The following GLP2R variants were observed in gnomAD, a reference collection of about 807,000 sequenced individuals.
GLP2R encodes glucagon like peptide 2 receptor, also known as glucagon-like peptide 2 receptor.
In GLP2R, 59 loss-of-function variants were observed where a neutral mutation model predicts 68.2. That is an observed-to-expected ratio of 0.87 (90% confidence interval 0.70 to 1.07). GLP2R has a LOEUF of 1.07. Among genes scored for constraint, GLP2R ranks in the 50% least tolerant of loss-of-function variants. The probability of loss-of-function intolerance (pLI) is 0.00; values close to 1 mark genes in which losing one functional copy is unlikely to be tolerated. For missense variants in GLP2R, 548 were observed against 677.4 expected (o/e 0.81, Z 2.12); for synonymous variants, 270 against 265.4 (o/e 1.02, Z -0.17).
chr17:9,855,170 T>C (rs1398488640), intron 5 of GLP2R, among the ~76,000 whole-genome samples: 1 of 152,200 alleles, frequency 6.6e-6, no homozygotes, highest in Non-Finnish European at 1.5e-5. Context: ...AATTTGCTCA[T>C]TGGCTACCTC....
rs370805642 is a variant in GLP2R, at chr17:9,828,329, CA to C, written c.189+2079del. On this transcript the variant is annotated intron_variant, in intron 1 of 12. Transcript: ENST00000262441. Reference sequence around the variant, plus strand: ...TGGCCTGCCTCTGGTCCCAGGACTTCAATGTGTTAGTGGTGGGACCATTTGG... The same window carrying C: ...TGGCCTGCCTCTGGTCCCAGGACTTCATGTGTTAGTGGTGGGACCATTTGG... 4.5e-4 allele frequency among the ~76,000 whole-genome samples: 68 copies of C among 152,336 alleles called. No homozygotes were observed. In the East Asian group the frequency reaches 5.6e-3, roughly 13 times the overall value.
intron 4 of GLP2R, among the ~76,000 whole-genome samples, chr17:9,843,037 C>A (rs915083807): frequency 1.3e-5 from 2 of 151,724 alleles, no homozygotes; most frequent in African/African-American, 4.8e-5. Flanking sequence ...CCACCACCCC[C>A]CACTTCGACT....
At chr17:9,888,016 G>C in intron 12 of GLP2R, 43 bp downstream of exon 12, 1 of 1,399,418 alleles carries the variant, frequency 7.1e-7, no homozygotes, top group Non-Finnish European at 1.0e-6. Context: ...GTGAGGTTGG[G>C]ACTGCAACCC....
At position 9,836,368 on chromosome 17, in the gene GLP2R, T is replaced by C; in HGVS notation, c.278-3T>C. On this transcript the variant is annotated splice_polypyrimidine_tract_variant and splice_region_variant and intron_variant, in intron 2 of 12. Transcript: ENST00000262441. ...GTTTATCAGACCCTTCTTCTCTCTG[T>C]AGGCATATTTTGTAACGGGACATTT... 6.3e-7 allele frequency: 1 copy of C among 1,582,246 alleles called. No homozygotes were observed. Among genetic ancestry groups the C allele is most frequent in the Non-Finnish European group, 8.7e-7 (1 of 1,150,938 alleles).
At chr17:9,835,469 G>T (rs1412402212) in intron 2 of GLP2R, among the ~76,000 whole-genome samples, 1 of 152,118 alleles carries the variant, frequency 6.6e-6, no homozygotes, top group Non-Finnish European at 1.5e-5. Context: ...CCCCTGAGAT[G>T]GTCCAAGTAT....
At chr17:9,830,231 G>A (rs1010328759) in intron 1 of GLP2R, among the ~76,000 whole-genome samples, 1 of 152,180 alleles carries the variant, frequency 6.6e-6, no homozygotes, top group Non-Finnish European at 1.5e-5. Context: ...TGGAGGATAG[G>A]GGAACATTAC....
In GLP2R at chr17:9,830,000, T is replaced by C. The variant is rs147710062; in HGVS notation, c.189+3748T>C. Among the ~76,000 whole-genome samples the C allele has an allele frequency of 5.3e-5, 8 of 152,376 alleles. No homozygotes were observed. In the East Asian group the frequency reaches 1.5e-3, roughly 29 times the overall value. On this transcript the variant is annotated intron_variant, in intron 1 of 12. Coordinates refer to ENST00000262441, the MANE Select transcript of GLP2R (RefSeq NM_004246.3). ...AAAGGAATCAAGGTCAAGCTGGACTTTTCCAGTTGGAAAAAAATTCACCCG... is the reference window on the plus strand; with the variant it reads ...AAAGGAATCAAGGTCAAGCTGGACTCTTCCAGTTGGAAAAAAATTCACCCG...
chr17:9,829,303 G>A (rs530061741), intron 1 of GLP2R, among the ~76,000 whole-genome samples: 2 of 151,716 alleles, frequency 1.3e-5, no homozygotes, highest in Non-Finnish European at 2.9e-5. Context: ...AGGGTAAAAT[G>A]GTGCATATTT....
intron 8 of GLP2R, among the ~76,000 whole-genome samples, chr17:9,861,696 AT>A (rs376279106): frequency 0.15 from 23,430 of 152,146 alleles, 2,320 homozygotes; most frequent in Non-Finnish European, 0.23. Context: ...GTGTGATCCC[AT>A]TTTTTTCCTC....
At chr17:9,847,849 A>AAGTGTATCCTAATCTTCC (rs1264644032) in intron 4 of GLP2R, among the ~76,000 whole-genome samples, 19 of 152,202 alleles carry the variant, frequency 1.2e-4, no homozygotes, top group African/African-American at 4.3e-4. Context: ...TGGCTCCCTT[A>AAGTGTATCCTAATCTTCC]AGTGTATCCT....
chr17:9,831,142 C>T (rs542845677), intron 1 of GLP2R, among the ~76,000 whole-genome samples: 6 of 152,330 alleles, frequency 3.9e-5, no homozygotes, highest in African/African-American at 1.2e-4. Flanking sequence ...AGTCCTACCT[C>T]ATTCTTTTGG....
chr17:9,867,339 A>G (rs1257181439), intron 9 of GLP2R, among the ~76,000 whole-genome samples: 1 of 152,236 alleles, frequency 6.6e-6, no homozygotes, highest in African/African-American at 2.4e-5. Context: ...GGTTGATGCG[A>G]GTGTACAACA....
At position 9,859,924 on chromosome 17, in the gene GLP2R, G is replaced by C. The variant is rs902883437; in HGVS notation, c.766-18G>C. 3.8e-6 allele frequency: 6 copies of C among 1,578,366 alleles called. No homozygotes were observed. The highest frequency in any genetic ancestry group is 5.2e-6 in the Non-Finnish European group (6 of 1,159,374). ...CAGGGGAGCCTGGACTCACCCTCAGGTGTTTTTTCCTCTGCAGATGTCCAC... is the reference window on the plus strand; with the variant it reads ...CAGGGGAGCCTGGACTCACCCTCAGCTGTTTTTTCCTCTGCAGATGTCCAC... On this transcript the variant is annotated intron_variant, in intron 6 of 12. Coordinates refer to ENST00000262441, the MANE Select transcript of GLP2R (RefSeq NM_004246.3).
At chr17:9,881,378 C>CTT (rs35526930) in intron 11 of GLP2R, among the ~76,000 whole-genome samples, 67 of 95,644 alleles carry the variant, frequency 7.0e-4, no homozygotes, top group East Asian at 9.9e-4. Flanking sequence ...GCTGTCAGGC[C>CTT]TTTTTTTTTT....
chr17:9,883,135 A>T (rs139083059), intron 11 of GLP2R, among the ~76,000 whole-genome samples: 49 of 152,314 alleles, frequency 3.2e-4, no homozygotes, highest in African/African-American at 1.2e-3. Flanking sequence ...AATTAAAGGA[A>T]TTCAATTATC....
chr17:9,844,472 G>A (rs1368550080), intron 4 of GLP2R, among the ~76,000 whole-genome samples: 1 of 151,764 alleles, frequency 6.6e-6, no homozygotes, highest in Non-Finnish European at 1.5e-5. Flanking sequence ...AAGAGGGAGG[G>A]TGGACTCATA....
At chr17:9,877,068 G>A (rs2067147655) in intron 10 of GLP2R, among the ~76,000 whole-genome samples, 1 of 152,128 alleles carries the variant, frequency 6.6e-6, no homozygotes, top group Admixed American at 6.6e-5. Flanking sequence ...CTAATAATTG[G>A]CAACACTGAG....
At chr17:9,876,494 G>A (rs2067143489) in intron 10 of GLP2R, among the ~76,000 whole-genome samples, 1 of 152,156 alleles carries the variant, frequency 6.6e-6, no homozygotes, top group African/African-American at 2.4e-5. Flanking sequence ...TATAAACTGG[G>A]GGAAATTTGG....
intron 10 of GLP2R, among the ~76,000 whole-genome samples, chr17:9,877,594 A>G (rs2067152279): frequency 1.3e-5 from 2 of 152,148 alleles, no homozygotes; most frequent in Non-Finnish European, 2.9e-5. Context: ...GTATGCTAAC[A>G]TTAGGGGAAA....
Sources: gnomAD v4.1 joint callset for allele counts (sites outside exome capture counted in the v4.1 genomes callset) on GRCh38, gnomAD v4.1.1 for gene constraint, MANE v1.5 for transcripts, NCBI Gene and HGNC (gene_info 2026-07-23, HGNC 2026-07-21) for gene names.